Variants in GPC6 observed in about 807,000 individuals in gnomAD.
GPC6 encodes the protein glypican-6.
GPC6 carries 14 observed loss-of-function variants against 55.2 expected under a neutral mutation model. The observed-to-expected ratio is 0.25, with a 90% confidence interval of 0.17 to 0.40. The LOEUF is 0.40. GPC6 is among the 10% of genes least tolerant of loss of function. The pLI is 1.00. For synonymous variants in GPC6, 278 were observed against 259.6 expected, an observed-to-expected ratio of 1.07 and a Z score of -0.68; for missense variants, 641 against 708.5, an observed-to-expected ratio of 0.90 and a Z score of 1.08.
chr13:93,903,399 T>A (rs1469875048), intron 3 of GPC6, among the ~76,000 whole-genome samples: 2 of 152,226 alleles, frequency 1.3e-5, no homozygotes, highest in Non-Finnish European at 2.9e-5. Flanking sequence ...CTTTATTTCC[T>A]CATATTCTTA....
chr13:94,043,034 C>T (rs1381978107), intron 4 of GPC6, among the ~76,000 whole-genome samples: 1 of 151,770 alleles, frequency 6.6e-6, no homozygotes, highest in African/African-American at 2.4e-5. Flanking sequence ...CAGGTTTGTA[C>T]ATTGGGAGCT....
intron 2 of GPC6, among the ~76,000 whole-genome samples, chr13:93,680,757 A>C (rs1881818384): frequency 6.6e-6 from 1 of 152,150 alleles, no homozygotes; most frequent in Admixed American, 6.6e-5. Flanking sequence ...TGGCCACAAG[A>C]TCCTATGCCG....
chr13:93,465,246 AAG>A (rs1467922338), intron 1 of GPC6, among the ~76,000 whole-genome samples: 2 of 152,200 alleles, frequency 1.3e-5, no homozygotes, highest in Non-Finnish European at 2.9e-5. Flanking sequence ...AGCCTCTAAA[AAG>A]AGAGTCAACT....
At chr13:93,977,514 GTGTGGTGTGTC>G (rs1880579245) in intron 3 of GPC6, among the ~76,000 whole-genome samples, 1 of 99,862 alleles carries the variant, frequency 1.0e-5, no homozygotes, top group African/African-American at 3.4e-5. Context: ...GTGTGTGTGT[GTGTGGTGTGTC>G]TTTATTTGTG....
chr13:93,776,048 T>C (rs1337633557), intron 2 of GPC6, among the ~76,000 whole-genome samples: 1 of 150,704 alleles, frequency 6.6e-6, no homozygotes, highest in African/African-American at 2.4e-5. Context: ...CGTCTTTTTT[T>C]CTTTGTTTCT....
At chr13:93,852,914 T>G (rs897370049) in intron 3 of GPC6, among the ~76,000 whole-genome samples, 2 of 151,720 alleles carry the variant, frequency 1.3e-5, no homozygotes, top group African/African-American at 2.4e-5. Flanking sequence ...GTACAAAAAT[T>G]TATGTTCCTC....
chr13:94,116,835 T>A (rs192158479), intron 4 of GPC6, among the ~76,000 whole-genome samples: 2 of 152,224 alleles, frequency 1.3e-5, no homozygotes, highest in Non-Finnish European at 2.9e-5. Flanking sequence ...CAAAAGCAGT[T>A]GTTCTAACAA....
chr13:93,229,975 G>A (rs1330869230), intron 1 of GPC6, among the ~76,000 whole-genome samples: 2 of 152,034 alleles, frequency 1.3e-5, no homozygotes, highest in African/African-American at 4.8e-5. Context: ...TGTTGTTACA[G>A]GAACACACTC....
At chr13:93,230,035 T>A (rs1052556822) in intron 1 of GPC6, among the ~76,000 whole-genome samples, 3 of 152,194 alleles carry the variant, frequency 2.0e-5, no homozygotes, top group African/African-American at 7.2e-5. Context: ...TTATCTAGTG[T>A]AAGTGGTTAT....
At chr13:93,455,901 T>C (rs1878435559) in intron 1 of GPC6, among the ~76,000 whole-genome samples, 1 of 152,340 alleles carries the variant, frequency 6.6e-6, no homozygotes, top group Non-Finnish European at 1.5e-5. Flanking sequence ...CTGCTGTTCA[T>C]GGAGTGTTTC....
At chr13:93,424,407 A>C (rs552930697) in intron 1 of GPC6, among the ~76,000 whole-genome samples, 13 of 152,024 alleles carry the variant, frequency 8.6e-5, no homozygotes, top group Non-Finnish European at 1.8e-4. Flanking sequence ...ACTCGGCTGT[A>C]AGCTGTTGGC....
chr13:93,501,082 GCAGT>G (rs1316500198), intron 1 of GPC6, among the ~76,000 whole-genome samples: 21 of 152,088 alleles, frequency 1.4e-4, no homozygotes, highest in Non-Finnish European at 2.5e-4. Context: ...TTTTCCACCT[GCAGT>G]CAGTCAATTA....
chr13:94,301,042 G>C (rs1875619902), intron 5 of GPC6, among the ~76,000 whole-genome samples: 1 of 152,114 alleles, frequency 6.6e-6, no homozygotes, highest in African/African-American at 2.4e-5. Context: ...AGTCTTATGA[G>C]AACCCCATGA....
At chr13:94,092,706 ACT>A (rs1175638199) in intron 4 of GPC6, among the ~76,000 whole-genome samples, 1 of 152,118 alleles carries the variant, frequency 6.6e-6, no homozygotes, top group African/African-American at 2.4e-5. Context: ...GAACCTCCAC[ACT>A]GTTTTCTACA....
At chr13:94,222,409 T>C (rs1174414424) in intron 4 of GPC6, among the ~76,000 whole-genome samples, 4 of 152,222 alleles carry the variant, frequency 2.6e-5, no homozygotes, top group East Asian at 3.9e-4. Flanking sequence ...TTATTTTTGC[T>C]TCTGGAGAAC....
intron 2 of GPC6, among the ~76,000 whole-genome samples, chr13:93,765,081 G>A (rs201394157): frequency 6.6e-6 from 1 of 152,168 alleles, no homozygotes; most frequent in East Asian, 1.9e-4. Flanking sequence ...TTACAGGCGT[G>A]AGCCACCGGG....
chr13:93,267,536 A>G (rs530249980), intron 1 of GPC6, among the ~76,000 whole-genome samples: 2 of 152,140 alleles, frequency 1.3e-5, no homozygotes, highest in East Asian at 3.9e-4. Context: ...CTTTGCCCTT[A>G]CCTTTGATGT....
At chr13:93,560,725 C>T (rs1325533746) in intron 2 of GPC6, among the ~76,000 whole-genome samples, 2 of 149,298 alleles carry the variant, frequency 1.3e-5, no homozygotes, top group East Asian at 4.0e-4. Context: ...GAGATCATGA[C>T]ACTGCACTCC....
intron 2 of GPC6, among the ~76,000 whole-genome samples, chr13:93,566,561 C>G (rs552875401): frequency 6.8e-6 from 1 of 148,014 alleles, no homozygotes; most frequent in Non-Finnish European, 1.5e-5. Flanking sequence ...TTTTTTATGA[C>G]TTTTTTTTCT....
Sources: allele counts gnomAD v4.1 joint callset (sites outside exome capture counted in the v4.1 genomes callset), GRCh38; gene constraint gnomAD v4.1.1; transcripts MANE v1.5; gene names NCBI Gene and HGNC (gene_info 2026-07-23, HGNC 2026-07-21).